Variants in MAP3K13 observed in about 807,000 individuals in gnomAD.
The protein encoded by MAP3K13 is mitogen-activated protein kinase kinase kinase 13.
A neutral mutation model predicts 104.0 loss-of-function variants in MAP3K13; 52 were observed. That is an observed-to-expected ratio of 0.50 (90% CI 0.40 to 0.63). MAP3K13 has a LOEUF of 0.63. Ranked by LOEUF, MAP3K13 falls within the 20% of genes least tolerant of loss-of-function variation. The probability of loss-of-function intolerance (pLI) is 0.00; values close to 1 mark genes in which losing one functional copy is unlikely to be tolerated. For synonymous variants in MAP3K13, 394 were observed against 442.2 expected (o/e 0.89, Z 1.37); for missense variants, 914 against 1,218.5 (o/e 0.75, Z 3.72).
intron 2 of MAP3K13, among the ~76,000 whole-genome samples, chr3:185,329,869 T>TA: frequency 6.7e-6 from 1 of 148,166 alleles, no homozygotes; most frequent in South Asian, 2.1e-4. Flanking sequence ...TTTAACTATA[T>TA]AAAAGGTCGA....
intron 2 of MAP3K13, among the ~76,000 whole-genome samples, chr3:185,339,336 A>G (rs1722633476): frequency 6.6e-6 from 1 of 152,124 alleles, no homozygotes; most frequent in African/African-American, 2.4e-5. Flanking sequence ...TACTAAACTA[A>G]ACTAAAATAA....
intron 1 of MAP3K13, among the ~76,000 whole-genome samples, chr3:185,364,062 T>G (rs937654191): frequency 9.9e-5 from 15 of 152,222 alleles, no homozygotes; most frequent in African/African-American, 3.6e-4. Flanking sequence ...TAATGAAAAC[T>G]AAGAAGTGGT....
chr3:185,292,479 G>A (rs1471447855), intron 2 of MAP3K13: 2 of 191,742 alleles, frequency 1.0e-5, no homozygotes, highest in East Asian at 3.8e-4. Flanking sequence ...AACTGAGAAA[G>A]TCACTTAACC....
At chr3:185,390,898 G>A (rs557147491) in intron 1 of MAP3K13, among the ~76,000 whole-genome samples, 1 of 152,186 alleles carries the variant, frequency 6.6e-6, no homozygotes, top group Non-Finnish European at 1.5e-5. Flanking sequence ...TGGGATTACA[G>A]GCGTGAGCCA....
chr3:185,303,325 G>C (rs1721172595), intron 2 of MAP3K13, among the ~76,000 whole-genome samples: 1 of 152,080 alleles, frequency 6.6e-6, no homozygotes, highest in African/African-American at 2.4e-5. Context: ...TTAGTATCAG[G>C]GTAGTGGTAA....
intron 2 of MAP3K13, among the ~76,000 whole-genome samples, chr3:185,329,819 T>C (rs1181354196): frequency 6.6e-6 from 1 of 151,958 alleles, no homozygotes; most frequent in African/African-American, 2.4e-5. Flanking sequence ...TTTACCACAA[T>C]GCATTTTTAA....
chr3:185,374,193 T>C (rs1273998041), intron 1 of MAP3K13, among the ~76,000 whole-genome samples: 1 of 152,144 alleles, frequency 6.6e-6, no homozygotes, highest in African/African-American at 2.4e-5. Context: ...ATACTGCAGG[T>C]CACTGGGGAT....
chr3:185,444,146 C>T (rs1715471212), intron 4 of MAP3K13, among the ~76,000 whole-genome samples: 1 of 152,028 alleles, frequency 6.6e-6, no homozygotes, highest in African/African-American at 2.4e-5. Context: ...ACCAGCCTGA[C>T]CAACGTGGTG....
At chr3:185,349,201 G>A (rs965305744) in intron 2 of MAP3K13, among the ~76,000 whole-genome samples, 3 of 151,856 alleles carry the variant, frequency 2.0e-5, no homozygotes, top group Non-Finnish European at 4.4e-5. Context: ...TCATGGTGGG[G>A]TTTGGGCTTC....
At chr3:185,427,645 C>T (rs1254700544) in intron 1 of MAP3K13, among the ~76,000 whole-genome samples, 2 of 152,234 alleles carry the variant, frequency 1.3e-5, no homozygotes, top group Non-Finnish European at 2.9e-5. Context: ...TATAAAGTGA[C>T]GCAGTGCCCC....
At chr3:185,342,242 C>A (rs1722746687) in intron 2 of MAP3K13, among the ~76,000 whole-genome samples, 1 of 152,136 alleles carries the variant, frequency 6.6e-6, no homozygotes, top group South Asian at 2.1e-4. Context: ...CCCTCAGAGA[C>A]TGTATGAGAA....
rs188404330 is a variant in MAP3K13, at chr3:185,450,865, G to A, written c.1170-422G>A. On this transcript the variant is annotated intron_variant, in intron 6 of 13. Transcript: ENST00000265026. This position sits in a 1 kb window ranked among gnomAD's most constrained non-coding sequence, Gnocchi z 4.2. ...AGCACTTTAGGAGGCCGAGGCGGGC[G>A]TATCACGAGGTCAGGAGATCGAGAC... Among the ~76,000 whole-genome samples, 241 of 152,278 alleles carry A rather than the reference G, an allele frequency of 1.6e-3. 1 individual carries two copies. Among genetic ancestry groups the A allele is most frequent in the African/African-American group, 5.2e-3 (217 of 41,550 alleles).
At chr3:185,332,386 T>C (rs1722320177) in intron 2 of MAP3K13, among the ~76,000 whole-genome samples, 1 of 152,238 alleles carries the variant, frequency 6.6e-6, no homozygotes, top group Non-Finnish European at 1.5e-5. Flanking sequence ...TAAAAACTAA[T>C]TTTCATTTTT....
At chr3:185,475,577 C>T (rs1271839752) in intron 11 of MAP3K13, among the ~76,000 whole-genome samples, 14 of 152,100 alleles carry the variant, frequency 9.2e-5, no homozygotes, top group Non-Finnish European at 1.9e-4. Context: ...AGGGGGTGGC[C>T]GCGGTGGCTC....
intron 1 of MAP3K13, among the ~76,000 whole-genome samples, chr3:185,414,925 A>T (rs1315570552): frequency 1.3e-5 from 2 of 152,112 alleles, no homozygotes; most frequent in Non-Finnish European, 2.9e-5. Flanking sequence ...TAATCCTAGC[A>T]CTTTGGGAGG....
intron 1 of MAP3K13, chr3:185,417,345 T>G: frequency 1.1e-6 from 1 of 874,754 alleles, no homozygotes; most frequent in African/African-American, 1.7e-5. Context: ...CATCTGGACC[T>G]TAGAACTTGG....
At chr3:185,446,521 G>T (rs1715602763) in intron 4 of MAP3K13, among the ~76,000 whole-genome samples, 1 of 152,142 alleles carries the variant, frequency 6.6e-6, no homozygotes, top group Non-Finnish European at 1.5e-5. Flanking sequence ...AAGTGAATTC[G>T]ATCTAATGTG....
rs528020068 is a variant in MAP3K13 at position 185,423,041 on chromosome 3, G to C, written c.-85-5456G>C. ...TATGTGCCCTTTATGAGAATCTAATGACTAATGATCTGTCACTGTCCCCCA... is the reference window on the plus strand; with the variant it reads ...TATGTGCCCTTTATGAGAATCTAATCACTAATGATCTGTCACTGTCCCCCA... On this transcript the variant is annotated intron_variant, in intron 1 of 13. Transcript: ENST00000265026. The surrounding 1 kb of genome is among the most constrained non-coding windows in gnomAD (Gnocchi z 4.1). 6.6e-6 allele frequency among the ~76,000 whole-genome samples: 1 copy of C among 152,176 alleles called. No homozygotes were observed. Among genetic ancestry groups the C allele is most frequent in the Non-Finnish European group, 1.5e-5 (1 of 68,042 alleles).
rs988681322 is a variant in MAP3K13 at position 185,363,266 on chromosome 3, C to T, written c.-188C>T. On this transcript the variant is annotated 5_prime_UTR_variant, in exon 1 of 14. Coordinates refer to ENST00000265026, the MANE Select transcript of MAP3K13 (RefSeq NM_004721.5). ...GCTGGAGGATTGTGTGGGTGGAATC[C>T]CCCTCCCCTTTATTTTTCCAATTCT... 1 of 985,272 alleles carries T rather than the reference C, an allele frequency of 1.0e-6. No homozygotes were observed. The highest frequency in any genetic ancestry group is 1.2e-6 in the Non-Finnish European group (1 of 829,872). 61.0% of individuals were successfully genotyped at this position (985,272 alleles called of 1,614,324 possible). A position where few individuals can be genotyped will look rare whatever the true frequency, so the allele number is the denominator to read the frequency against.
Sources: allele counts gnomAD v4.1 joint callset (sites outside exome capture counted in the v4.1 genomes callset), GRCh38; gene constraint gnomAD v4.1.1; non-coding constraint Gnocchi (gnomAD v3.1); transcripts MANE v1.5; gene names NCBI Gene and HGNC (gene_info 2026-07-23, HGNC 2026-07-21).